Variants in DNAH3 observed in about 807,000 individuals in gnomAD.
The protein encoded by DNAH3 is axonemal beta dynein heavy chain 3.
A neutral mutation model predicts 432.5 loss-of-function variants in DNAH3; 332 were observed. The ratio of observed to expected loss-of-function variants is 0.77; its 90% CI spans 0.70 to 0.84. The LOEUF is 0.84. Among genes scored for constraint, DNAH3 ranks in the 40% least tolerant of loss-of-function variants. The pLI, the probability that DNAH3 is intolerant of heterozygous loss-of-function variation, is 0.00. For missense variants in DNAH3, 4,861 were observed against 5,114.0 expected (o/e 0.95, Z 1.51); for synonymous variants, 1,956 against 1,900.2 (o/e 1.03, Z -0.76).
chr16:21,031,405 CCTTCTT>C (rs1319064869), intron 36 of DNAH3, 119 bp from the exon 37 acceptor site: 2 of 1,291,830 alleles, frequency 1.5e-6, no homozygotes, highest in Admixed American at 2.5e-5. Flanking sequence ...TGAGGGAAGT[CCTTCTT>C]ATAAAACATG....
At chr16:21,053,721 G>C (rs1166403828) in intron 28 of DNAH3, among the ~76,000 whole-genome samples, 1 of 152,150 alleles carries the variant, frequency 6.6e-6, no homozygotes, top group African/African-American at 2.4e-5. Context: ...GGGAGTGTGA[G>C]CAAGAGACTC....
At chr16:21,119,915 C>T (rs1475539498) in intron 11 of DNAH3, among the ~76,000 whole-genome samples, 6 of 152,058 alleles carry the variant, frequency 3.9e-5, no homozygotes, top group Non-Finnish European at 7.4e-5. Context: ...GTATTGAACG[C>T]CTGACCTCAG....
At chr16:21,093,548 G>C (rs1169310798) in intron 18 of DNAH3, among the ~76,000 whole-genome samples, 2 of 152,108 alleles carry the variant, frequency 1.3e-5, no homozygotes, top group Non-Finnish European at 2.9e-5. Flanking sequence ...TCCCAGCAGA[G>C]TTTTTTGGTA....
intron 41 of DNAH3, among the ~76,000 whole-genome samples, chr16:21,007,235 G>A (rs547637515): frequency 9.1e-5 from 13 of 143,220 alleles, no homozygotes; most frequent in Admixed American, 8.3e-4. Context: ...TTTGAGGCAG[G>A]GTCTCACTCT....
rs374063113 is a variant in DNAH3 at position 21,055,845 on chromosome 16, A to G, written c.3925-1311T>C. Among the ~76,000 whole-genome samples, 191 of 151,090 alleles carry G rather than the reference A, an allele frequency of 1.3e-3. 2 individuals are homozygous for G. The highest frequency in any genetic ancestry group is 4.4e-3 in the African/African-American group (182 of 41,132). ...ACTGAAACCTCGACCTCCTGAGCTCAAGCAATCCTCCCACCTCAGCCGCCT... is the reference window on the plus strand; with the variant it reads ...ACTGAAACCTCGACCTCCTGAGCTCGAGCAATCCTCCCACCTCAGCCGCCT... On this transcript the variant is annotated intron_variant, in intron 27 of 61. Coordinates refer to ENST00000261383, the Ensembl canonical transcript of DNAH3.
At chr16:21,031,396 G>T in intron 36 of DNAH3, 110 bp from the exon 37 acceptor site, 1 of 1,359,958 alleles carries the variant, frequency 7.4e-7, no homozygotes, top group Non-Finnish European at 1.0e-6. Flanking sequence ...TATGCCATAT[G>T]AGGGAAGTCC....
exon 14 of DNAH3, chr16:21,111,728 A>C (rs1356089047): frequency 6.2e-7 from 1 of 1,614,090 alleles, no homozygotes; most frequent in Admixed American, 1.7e-5. Context: ...CGTAGCATCA[A>C]GGCAGAACAT....
At chr16:20,958,313 ATC>A (rs1315722519) in intron 54 of DNAH3, among the ~76,000 whole-genome samples, 2 of 152,114 alleles carry the variant, frequency 1.3e-5, no homozygotes. Flanking sequence ...GGTTCAAGCA[ATC>A]CACCTGTCTC....
intron 36 of DNAH3, among the ~76,000 whole-genome samples, chr16:21,032,740 G>C (rs1013825668): frequency 6.6e-6 from 1 of 152,240 alleles, no homozygotes; most frequent in East Asian, 1.9e-4. Context: ...TTGAGCCCAG[G>C]AGGCAGAGGT....
chr16:21,115,388 T>TTA (rs578043304), intron 12 of DNAH3, among the ~76,000 whole-genome samples: 6 of 141,280 alleles, frequency 4.2e-5, no homozygotes, highest in Admixed American at 1.4e-4. Context: ...GCTTAAAGTG[T>TTA]AAAAAAAAAA....
At chr16:20,989,114 C>G (rs528715273) in intron 44 of DNAH3, among the ~76,000 whole-genome samples, 1 of 152,306 alleles carries the variant, frequency 6.6e-6, no homozygotes, top group Admixed American at 6.5e-5. Context: ...GAGCGGGTTA[C>G]CACTGCTGGC....
chr16:21,036,917 A>G, intron 34 of DNAH3, 69 bp from the exon 35 acceptor site: 1 of 1,288,214 alleles, frequency 7.8e-7, no homozygotes, highest in Non-Finnish European at 1.1e-6. Context: ...ACATTTTCCT[A>G]AAATGAGATG....
intron 59 of DNAH3, among the ~76,000 whole-genome samples, chr16:20,938,669 C>CAAAA (rs901953556): frequency 2.4e-5 from 2 of 81,904 alleles, no homozygotes; most frequent in African/African-American, 4.7e-5. Context: ...GGTGAAAAGG[C>CAAAA]AAAAAAAAAA....
intron 34 of DNAH3, among the ~76,000 whole-genome samples, chr16:21,037,217 G>A (rs960990169): frequency 5.9e-5 from 9 of 152,158 alleles, no homozygotes; most frequent in Non-Finnish European, 1.3e-4. Context: ...GCTGAGGCAG[G>A]AGAATCACTT....
rs11861327 is a variant in DNAH3, at chr16:21,106,768, A to G, written c.2100-94T>C. 8,973 of 1,111,760 alleles carry G rather than the reference A, an allele frequency of 8.1e-3. 533 individuals carry two copies. The African/African-American group carries it at 0.12, about 15-fold the overall frequency. The allele number at this position is 1,111,760 out of a possible 1,614,324, so 68.9% of individuals were successfully genotyped here. On this transcript the variant is annotated intron_variant, in intron 14 of 61. Coordinates refer to ENST00000261383, the Ensembl canonical transcript of DNAH3. Reference sequence around the variant, plus strand: ...TTGTAAGACTCCATGTTCAAAATACATAATTCCTATTTGAAAAAAAAAGAA... The same window carrying G: ...TTGTAAGACTCCATGTTCAAAATACGTAATTCCTATTTGAAAAAAAAAGAA...
chr16:21,046,704 T>C (rs930611471), intron 31 of DNAH3, among the ~76,000 whole-genome samples: 7 of 152,174 alleles, frequency 4.6e-5, no homozygotes, highest in African/African-American at 9.7e-5. Context: ...ATGTGTGAAT[T>C]TGATCCTGTC....
At chr16:20,978,048 G>C (rs2085676381) in intron 50 of DNAH3, among the ~76,000 whole-genome samples, 1 of 152,100 alleles carries the variant, frequency 6.6e-6, no homozygotes, top group Non-Finnish European at 1.5e-5. Context: ...GTCTTTATTG[G>C]GGCTGAAAAT....
chr16:21,074,750 G>A (rs927379623), intron 21 of DNAH3, among the ~76,000 whole-genome samples: 2 of 151,448 alleles, frequency 1.3e-5, no homozygotes, highest in Non-Finnish European at 2.9e-5. Context: ...TGGTCTGCAG[G>A]ATGTGTGTAT....
chr16:20,994,819 G>A (rs780402042), intron 44 of DNAH3, among the ~76,000 whole-genome samples: 13 of 151,926 alleles, frequency 8.6e-5, no homozygotes, highest in Non-Finnish European at 1.3e-4. Flanking sequence ...ACATCTTTAA[G>A]TTTCATCCAT....
Sources: allele counts gnomAD v4.1 joint callset (sites outside exome capture counted in the v4.1 genomes callset), GRCh38; gene constraint gnomAD v4.1.1; transcripts MANE v1.5; gene names NCBI Gene and HGNC (gene_info 2026-07-23, HGNC 2026-07-21).